The following TAOK1 variants were observed in gnomAD, a reference collection of about 807,000 sequenced individuals.
TAOK1 encodes the protein serine/threonine-protein kinase TAO1.
In TAOK1, 21 loss-of-function variants were observed where a neutral mutation model predicts 138.3. The observed-to-expected ratio is 0.15, with a 90% confidence interval of 0.11 to 0.22. TAOK1 has a LOEUF of 0.22. Among genes scored for constraint, TAOK1 ranks in the 10% least tolerant of loss-of-function variants. The probability of loss-of-function intolerance (pLI) is 1.00; values close to 1 mark genes in which losing one functional copy is unlikely to be tolerated. For missense variants in TAOK1, 651 were observed against 1,227.7 expected, an observed-to-expected ratio of 0.53 and a Z score of 7.02; for synonymous variants, 361 against 398.4, an observed-to-expected ratio of 0.91 and a Z score of 1.12.
At chr17:29,436,658 A>G (rs1157486719) in intron 1 of TAOK1, among the ~76,000 whole-genome samples, 1 of 152,232 alleles carries the variant, frequency 6.6e-6, no homozygotes, top group Non-Finnish European at 1.5e-5. Flanking sequence ...GGTTATCTCC[A>G]TGGTTTACAA....
chr17:29,450,341 C>T (rs1248897305), intron 1 of TAOK1, among the ~76,000 whole-genome samples: 1 of 152,152 alleles, frequency 6.6e-6, no homozygotes, highest in African/African-American at 2.4e-5. Flanking sequence ...TGCACTTTGA[C>T]CTCTCAAAAT....
chr17:29,521,062 G>A (rs1385369293), intron 16 of TAOK1, among the ~76,000 whole-genome samples: 4 of 152,002 alleles, frequency 2.6e-5, no homozygotes, highest in Middle Eastern at 3.4e-3. Flanking sequence ...GATCTGATCC[G>A]GATACGTGTA....
chr17:29,397,329 T>C (rs1362417695), intron 1 of TAOK1, among the ~76,000 whole-genome samples: 1 of 147,226 alleles, frequency 6.8e-6, no homozygotes, highest in East Asian at 2.0e-4. Flanking sequence ...AATGGCTGGG[T>C]GCCGTGGCTC....
chr17:29,416,200 G>A (rs898260008), intron 1 of TAOK1, among the ~76,000 whole-genome samples: 2 of 152,152 alleles, frequency 1.3e-5, no homozygotes, highest in Non-Finnish European at 2.9e-5. Context: ...GGAGACAGAG[G>A]TTGCAGTGAG....
chr17:29,435,568 C>T (rs1310837740), intron 1 of TAOK1, among the ~76,000 whole-genome samples: 1 of 152,138 alleles, frequency 6.6e-6, no homozygotes, highest in Non-Finnish European at 1.5e-5. Context: ...AAACTTGGAG[C>T]TCCTAGAACC....
chr17:29,521,515 T>C (rs1427391147), intron 16 of TAOK1, among the ~76,000 whole-genome samples: 1 of 152,194 alleles, frequency 6.6e-6, no homozygotes, highest in Non-Finnish European at 1.5e-5. Context: ...TTTAACTAAG[T>C]GAAGGTCTCA....
At chr17:29,446,415 G>A (rs1303299153) in intron 1 of TAOK1, among the ~76,000 whole-genome samples, 1 of 151,958 alleles carries the variant, frequency 6.6e-6, no homozygotes, top group African/African-American at 2.4e-5. Flanking sequence ...CTAGTTTTTT[G>A]TGTTTTTAGT....
chr17:29,451,739 G>C, intron 2 of TAOK1, 59 bp downstream of exon 2: 1 of 1,562,634 alleles, frequency 6.4e-7, no homozygotes, highest in African/African-American at 1.4e-5. Flanking sequence ...ACTCCTGACA[G>C]AGCAAAATAT....
At chr17:29,534,334 G>A (rs762873158) in intron 19 of TAOK1, 34 bp downstream of exon 19, 2 of 1,474,588 alleles carry the variant, frequency 1.4e-6, no homozygotes, top group Non-Finnish European at 1.8e-6. Context: ...CATTGTTTTC[G>A]AATTAGCTTT....
intron 1 of TAOK1, among the ~76,000 whole-genome samples, chr17:29,440,617 C>T (rs190762457): frequency 4.5e-4 from 69 of 151,670 alleles, no homozygotes; most frequent in African/African-American, 1.6e-3. Context: ...GCTCTTTTGC[C>T]CAGGCTGGAG....
chr17:29,508,225 C>T (rs1194806241), intron 14 of TAOK1, 93 bp downstream of exon 14: 2 of 1,090,212 alleles, frequency 1.8e-6, no homozygotes, highest in Non-Finnish European at 2.7e-6. Flanking sequence ...GTATCTGTTC[C>T]CGTGAACCAA....
intron 1 of TAOK1, among the ~76,000 whole-genome samples, chr17:29,442,828 G>A (rs753438894): frequency 6.6e-6 from 1 of 152,036 alleles, no homozygotes; most frequent in Admixed American, 6.6e-5. Flanking sequence ...AGGCTGAGGC[G>A]GGCAGATCAC....
At chr17:29,536,982 G>A (rs993515546) in intron 19 of TAOK1, among the ~76,000 whole-genome samples, 1 of 152,130 alleles carries the variant, frequency 6.6e-6, no homozygotes, top group Non-Finnish European at 1.5e-5. Flanking sequence ...TTACAGGCGT[G>A]AGCCACAGCG....
intron 1 of TAOK1, among the ~76,000 whole-genome samples, chr17:29,398,936 A>G (rs1312181466): frequency 6.6e-6 from 1 of 152,118 alleles, no homozygotes; most frequent in Non-Finnish European, 1.5e-5. Flanking sequence ...ATTGTTGGCT[A>G]TCACACACTA....
chr17:29,407,437 A>C (rs1456434910), intron 1 of TAOK1, among the ~76,000 whole-genome samples: 1 of 151,814 alleles, frequency 6.6e-6, no homozygotes, highest in Non-Finnish European at 1.5e-5. Flanking sequence ...TGACGGAGAT[A>C]ATCTTTTTTT....
intron 1 of TAOK1, chr17:29,445,328 G>A (rs1039383158): frequency 3.9e-5 from 6 of 152,434 alleles, no homozygotes; most frequent in Non-Finnish European, 5.9e-5. Flanking sequence ...ACAAATTTGC[G>A]TGTCATCCTT....
intron 19 of TAOK1, among the ~76,000 whole-genome samples, chr17:29,539,458 T>C (rs1409755496): frequency 6.6e-6 from 1 of 152,164 alleles, no homozygotes; most frequent in Non-Finnish European, 1.5e-5. Context: ...TTTTTTGAGA[T>C]GGAGTTTCAC....
intron 1 of TAOK1, among the ~76,000 whole-genome samples, chr17:29,451,029 T>G (rs2030218368): frequency 6.6e-6 from 1 of 152,212 alleles, no homozygotes; most frequent in South Asian, 2.1e-4. Context: ...TGAATGTCTG[T>G]TAGAGTTGAT....
At chr17:29,412,024 C>CCT (rs940940628) in intron 1 of TAOK1, among the ~76,000 whole-genome samples, 6 of 150,594 alleles carry the variant, frequency 4.0e-5, no homozygotes, top group Middle Eastern at 3.2e-3. Flanking sequence ...TTCCTTCCTT[C>CCT]CTCTCTCTCT....
Sources: allele counts gnomAD v4.1 joint callset (sites outside exome capture counted in the v4.1 genomes callset), GRCh38; gene constraint gnomAD v4.1.1; transcripts MANE v1.5; gene names NCBI Gene and HGNC (gene_info 2026-07-23, HGNC 2026-07-21).